RUNX2: variants seen among roughly 807,000 people sequenced by gnomAD.
RUNX2 encodes the protein runt-related transcription factor 2.
Under a neutral mutation model 51.7 loss-of-function variants are expected in RUNX2, and 10 were observed. The ratio of observed to expected loss-of-function variants is 0.19; its 90% CI spans 0.12 to 0.33. The LOEUF is 0.33. RUNX2 is among the 10% of genes least tolerant of loss of function. The pLI is 1.00. For missense variants in RUNX2, 562 were observed against 691.3 expected (o/e 0.81, Z 2.10); for synonymous variants, 276 against 273.6 (o/e 1.01, Z -0.09).
chr6:45,416,408 C>A (rs1239650149), intron 2 of RUNX2, among the ~76,000 whole-genome samples: 2 of 152,110 alleles, frequency 1.3e-5, no homozygotes, highest in Non-Finnish European at 2.9e-5. Context: ...AACTTTGGAA[C>A]CTTGGGCAGT....
At chr6:45,482,637 A>C (rs1800148829) in intron 5 of RUNX2, among the ~76,000 whole-genome samples, 1 of 152,196 alleles carries the variant, frequency 6.6e-6, no homozygotes. Context: ...ACTTTATGTC[A>C]CTGGTCTAAA....
At position 45,371,081 on chromosome 6, in the gene RUNX2, C is replaced by T. The variant is rs569287661; in HGVS notation, c.58+42297C>T. Among the ~76,000 whole-genome samples the T allele has an allele frequency of 9.2e-5, 14 of 152,226 alleles. 1 individual carries two copies. The South Asian group carries it at 1.9e-3, about 20-fold the overall frequency. ...AATTAAAGAGTTACTTAATGGTTAA[C>T]TTTTGAGATATGTGGAAGATTTTGG... On this transcript the variant is annotated intron_variant, in intron 2 of 8. Transcript: ENST00000647337.
chr6:45,355,881 T>A (rs1354386705), intron 2 of RUNX2, among the ~76,000 whole-genome samples: 1 of 152,184 alleles, frequency 6.6e-6, no homozygotes, highest in Non-Finnish European at 1.5e-5. Flanking sequence ...TATTAATTGA[T>A]TGCCAGGCCA....
chr6:45,375,287 C>T (rs1412384461), intron 2 of RUNX2, among the ~76,000 whole-genome samples: 1 of 152,174 alleles, frequency 6.6e-6, no homozygotes, highest in Non-Finnish European at 1.5e-5. Context: ...ACAAGGCTAA[C>T]AGTAGGGTGA....
intron 2 of RUNX2, among the ~76,000 whole-genome samples, chr6:45,410,763 C>A (rs1797932773): frequency 6.6e-6 from 1 of 152,164 alleles, no homozygotes; most frequent in Non-Finnish European, 1.5e-5. Flanking sequence ...TGCACCGAGC[C>A]TTGGGAACCT....
rs199846819 is a variant in RUNX2 at position 45,375,854 on chromosome 6, CAAGTA to C, written c.59-46732_59-46728del. Reference sequence around the variant, plus strand: ...AAAAAAAAAACAGATGCACATATTTCAAGTAAAGTAATTTTGTGAAACATCTATTA... The same window carrying C: ...AAAAAAAAAACAGATGCACATATTTCAAGTAATTTTGTGAAACATCTATTA... On this transcript the variant is annotated intron_variant, in intron 2 of 8. Coordinates refer to ENST00000647337, the MANE Select transcript of RUNX2 (RefSeq NM_001024630.4). Among the ~76,000 whole-genome samples the C allele has an allele frequency of 3.9e-3, 584 of 151,594 alleles. 8 individuals are homozygous for C. Among genetic ancestry groups the C allele is most frequent in the Admixed American group, 0.033 (500 of 15,232 alleles).
chr6:45,508,336 C>G (rs1010228778), intron 6 of RUNX2, among the ~76,000 whole-genome samples: 1 of 140,656 alleles, frequency 7.1e-6, no homozygotes, highest in African/African-American at 2.6e-5. Flanking sequence ...TCAAGAGATT[C>G]TCCTGCCTCA....
intron 5 of RUNX2, among the ~76,000 whole-genome samples, chr6:45,475,052 A>G (rs1799916059): frequency 6.7e-6 from 1 of 149,500 alleles, no homozygotes; most frequent in South Asian, 2.1e-4. Flanking sequence ...TGAACCTGGG[A>G]GGTGGAGGCT....
intron 2 of RUNX2, among the ~76,000 whole-genome samples, chr6:45,372,970 G>A (rs779137391): frequency 2.6e-5 from 4 of 151,988 alleles, no homozygotes; most frequent in Non-Finnish European, 2.9e-5. Context: ...CAAGACACGC[G>A]GCTAATTTTT....
chr6:45,330,105 C>G (rs74765949), intron 2 of RUNX2, among the ~76,000 whole-genome samples: 3,934 of 151,694 alleles, frequency 0.026, 186 homozygotes, highest in African/African-American at 0.089. Flanking sequence ...AGGAAATGTA[C>G]TTTGTATTTT....
chr6:45,463,752 T>G (rs1194595632), intron 5 of RUNX2, among the ~76,000 whole-genome samples: 1 of 152,308 alleles, frequency 6.6e-6, no homozygotes, highest in Non-Finnish European at 1.5e-5. Flanking sequence ...TTTGAGACAG[T>G]ACAGTGAGGG....
intron 5 of RUNX2, among the ~76,000 whole-genome samples, chr6:45,449,962 C>T (rs1470931778): frequency 6.6e-6 from 1 of 152,110 alleles, no homozygotes. Context: ...AATTGCATCT[C>T]CCAAGATTAC....
intron 5 of RUNX2, among the ~76,000 whole-genome samples, chr6:45,441,025 C>T (rs1048457558): frequency 1.3e-5 from 2 of 152,168 alleles, no homozygotes; most frequent in South Asian, 2.1e-4. Flanking sequence ...TGATCCTTAA[C>T]AGAGAAGGGC....
intron 8 of RUNX2, among the ~76,000 whole-genome samples, chr6:45,546,442 G>A (rs1582231716): frequency 6.6e-6 from 1 of 152,084 alleles, no homozygotes; most frequent in East Asian, 1.9e-4. Context: ...GTCTGACTTA[G>A]TAAAAATTTC....
intron 2 of RUNX2, among the ~76,000 whole-genome samples, chr6:45,378,500 C>G (rs1280254718): frequency 6.6e-6 from 1 of 152,188 alleles, no homozygotes; most frequent in African/African-American, 2.4e-5. Flanking sequence ...GACGGCGAAA[C>G]CAGCTCTTAC....
intron 2 of RUNX2, among the ~76,000 whole-genome samples, chr6:45,379,105 G>T (rs1279598104): frequency 6.6e-6 from 1 of 152,122 alleles, no homozygotes; most frequent in Non-Finnish European, 1.5e-5. Flanking sequence ...TTTCCTCTGT[G>T]GATTGTAGTT....
At chr6:45,455,906 G>A (rs1799305089) in intron 5 of RUNX2, among the ~76,000 whole-genome samples, 1 of 152,062 alleles carries the variant, frequency 6.6e-6, no homozygotes, top group Non-Finnish European at 1.5e-5. Flanking sequence ...ATTGTAGAGA[G>A]GTAATCATAC....
chr6:45,385,095 T>C (rs1431237152), intron 2 of RUNX2, among the ~76,000 whole-genome samples: 1 of 152,232 alleles, frequency 6.6e-6, no homozygotes, highest in Non-Finnish European at 1.5e-5. Flanking sequence ...CTATTTGTCA[T>C]TGTTAGACAT....
chr6:45,364,112 C>G (rs919793283), intron 2 of RUNX2, among the ~76,000 whole-genome samples: 2 of 91,004 alleles, frequency 2.2e-5, no homozygotes, highest in Admixed American at 1.2e-4. Context: ...GAGACTCTGT[C>G]TCAAAAAAAA....
Sources: gnomAD v4.1 joint callset for allele counts (sites outside exome capture counted in the v4.1 genomes callset) on GRCh38, gnomAD v4.1.1 for gene constraint, MANE v1.5 for transcripts, NCBI Gene and HGNC (gene_info 2026-07-23, HGNC 2026-07-21) for gene names.